Variants in DDX42 observed in about 807,000 individuals in gnomAD.
DDX42 encodes the protein DEAD-box helicase 42.
A neutral mutation model predicts 101.5 loss-of-function variants in DDX42; 22 were observed. That is an observed-to-expected ratio of 0.22 (90% CI 0.15 to 0.31). The LOEUF (loss-of-function observed/expected upper bound fraction) is 0.31. Among genes scored for constraint, DDX42 ranks in the 10% least tolerant of loss-of-function variants. The pLI is 1.00. For synonymous variants in DDX42, 402 were observed against 401.2 expected (o/e 1.00, Z -0.02); for missense variants, 849 against 1,199.9 (o/e 0.71, Z 4.32).
chr17:63,809,731 CTG>C (rs1026019925), intron 11 of DDX42, 72 bp downstream of exon 11: 21 of 1,279,906 alleles, frequency 1.6e-5, no homozygotes, highest in African/African-American at 1.3e-4. Context: ...TCTTTCTAGA[CTG>C]TTTTTTCAGC....
intron 4 of DDX42, 33 bp downstream of exon 4, chr17:63,798,132 C>T (rs763663088): frequency 1.5e-5 from 24 of 1,601,094 alleles, no homozygotes; most frequent in South Asian, 7.8e-5. Flanking sequence ...ACAAAGGTTA[C>T]GTGAAAACTG....
chr17:63,782,107 G>A (rs2039495503), intron 1 of DDX42, among the ~76,000 whole-genome samples: 1 of 152,022 alleles, frequency 6.6e-6, no homozygotes, highest in Admixed American at 6.6e-5. Context: ...GGTGAAACCT[G>A]TCTCTACTAA....
intron 13 of DDX42, 29 bp downstream of exon 13, chr17:63,811,202 T>G (rs1358919585): frequency 2.0e-6 from 3 of 1,494,278 alleles, no homozygotes; most frequent in Non-Finnish European, 2.8e-6. Context: ...GGATGGGACC[T>G]TAATGGGTTT....
intron 14 of DDX42, 83 bp downstream of exon 14, chr17:63,812,291 AGCAGGCTGATGGAAAGACT>A: frequency 6.7e-7 from 1 of 1,499,102 alleles, no homozygotes; most frequent in Non-Finnish European, 8.9e-7. Context: ...ATAATATCTG[AGCAGGCTGATGGAAAGACT>A]GTTGGCCTGG....
chr17:63,775,425 T>C (rs944731134), intron 1 of DDX42, among the ~76,000 whole-genome samples: 1 of 152,136 alleles, frequency 6.6e-6, no homozygotes, highest in Non-Finnish European at 1.5e-5. Context: ...ATACATATAT[T>C]ATACTGAATG....
chr17:63,812,332 C>G, intron 14 of DDX42, 124 bp downstream of exon 14: 1 of 1,221,824 alleles, frequency 8.2e-7, no homozygotes, highest in African/African-American at 1.5e-5. Flanking sequence ...TGGCCATCCC[C>G]TCCCAAACCC....
chr17:63,783,897 T>TG (rs1231646624), intron 1 of DDX42, among the ~76,000 whole-genome samples: 2 of 152,064 alleles, frequency 1.3e-5, no homozygotes, highest in Non-Finnish European at 2.9e-5. Context: ...ACCCCATCTC[T>TG]ACTAAAAATA....
At chr17:63,798,170 A>G in intron 4 of DDX42, 71 bp downstream of exon 4, 5 of 1,432,940 alleles carry the variant, frequency 3.5e-6, no homozygotes, top group Non-Finnish European at 4.9e-6. Flanking sequence ...CTATTCCCCC[A>G]AAGTTTATAG....
chr17:63,807,590 T>C (rs949342450), intron 8 of DDX42, 134 bp from the exon 9 acceptor site: 1 of 704,788 alleles, frequency 1.4e-6, no homozygotes, highest in South Asian at 2.0e-5. Context: ...TCACAACCAG[T>C]ATGCATAGCA....
chr17:63,812,893 C>T lies in DDX42; in HGVS notation c.1676-335C>T, dbSNP rs1420040758. ...TACAAAAATTAGCTGGGTGTGGTGG[C>T]GCGTGCCTATAATCCCAGCTACTTG... is the stretch of plus-strand genomic sequence containing the variant. On this transcript the variant is annotated intron_variant, in intron 14 of 17. Coordinates refer to ENST00000389924, the MANE Select transcript of DDX42 (RefSeq NM_203499.3). Among the ~76,000 whole-genome samples the T allele has an allele frequency of 5.3e-5, 8 of 152,206 alleles. No individual in the cohort carries two copies. In the South Asian group the frequency reaches 8.3e-4, roughly 16 times the overall value.
At chr17:63,804,982 A>T in intron 6 of DDX42, 89 bp from the exon 7 acceptor site, 1 of 1,482,598 alleles carries the variant, frequency 6.7e-7, no homozygotes, top group East Asian at 2.4e-5. Context: ...TACTTGTGTA[A>T]AATTTGGAAA....
chr17:63,802,800 C>T (rs1268642332), intron 6 of DDX42, among the ~76,000 whole-genome samples: 1 of 151,838 alleles, frequency 6.6e-6, no homozygotes, highest in Non-Finnish European at 1.5e-5. Context: ...ATCCCAGCTA[C>T]TCGGGAGAGT....
chr17:63,805,749 C>T (rs1231008614), intron 7 of DDX42: 4 of 152,446 alleles, frequency 2.6e-5, no homozygotes, highest in East Asian at 1.9e-4. Flanking sequence ...ACAACTTTCT[C>T]GCCTGTGTGC....
At position 63,812,097 on chromosome 17, in the gene DDX42, G is replaced by T. The variant is rs1302491831; in HGVS notation, c.1564G>T (p.Gly522Cys). 6.2e-7 allele frequency: 1 copy of T among 1,614,180 alleles called. No individual in the cohort carries two copies. Among genetic ancestry groups the T allele is most frequent in the Admixed American group, 1.7e-5 (1 of 60,022 alleles). ...EELANNLKQEGHNLGLLHGDM... is the reference protein window; with the variant it reads ...EELANNLKQECHNLGLLHGDM... The stretch of plus-strand genomic sequence containing the variant: ...GCTAGCGAATAACCTTAAACAGGAG[G>T]GTCATAATCTTGGGCTGCTCCATGG... The change falls in exon 14 of 18, where the codon GGT (glycine) becomes TGT (cysteine). Residue 522 changes from glycine to cysteine, a missense_variant. Gly to Cys is a radical substitution (Grantham distance 159). Coordinates refer to ENST00000389924, the MANE Select transcript of DDX42 (RefSeq NM_203499.3).
chr17:63,813,018 C>T (rs1338159638), intron 14 of DDX42, among the ~76,000 whole-genome samples: 2 of 152,034 alleles, frequency 1.3e-5, no homozygotes, highest in Admixed American at 1.3e-4. Flanking sequence ...AGCAAGACTC[C>T]GTCTCTAAAA....
chr17:63,812,541 G>C (rs865847603), intron 14 of DDX42, among the ~76,000 whole-genome samples: 4 of 152,144 alleles, frequency 2.6e-5, no homozygotes, highest in African/African-American at 2.4e-5. Context: ...AGCTTAGTTG[G>C]GCAACTTAAC....
At chr17:63,788,296 T>C (rs1267737522) in intron 2 of DDX42, among the ~76,000 whole-genome samples, 1 of 149,182 alleles carries the variant, frequency 6.7e-6, no homozygotes, top group Non-Finnish European at 1.5e-5. Flanking sequence ...ACAAGTTTGC[T>C]TCAACATCTG....
chr17:63,804,908 A>T, intron 6 of DDX42, 163 bp from the exon 7 acceptor site: 2 of 799,226 alleles, frequency 2.5e-6, no homozygotes, highest in Non-Finnish European at 3.8e-6. Flanking sequence ...CAAACTAGCT[A>T]TACTTTTTAG....
intron 2 of DDX42, among the ~76,000 whole-genome samples, chr17:63,790,684 T>C (rs2039616407): frequency 6.6e-6 from 1 of 152,124 alleles, no homozygotes; most frequent in Admixed American, 6.5e-5. Flanking sequence ...CACTGGAACC[T>C]GGGAGGCAGA....
Sources: allele counts gnomAD v4.1 joint callset (sites outside exome capture counted in the v4.1 genomes callset), GRCh38; gene constraint gnomAD v4.1.1; transcripts MANE v1.5; gene names NCBI Gene and HGNC (gene_info 2026-07-23, HGNC 2026-07-21).